ARHGAP21: variants seen among roughly 807,000 people sequenced by gnomAD.
The protein encoded by ARHGAP21 is rho GTPase-activating protein 21.
ARHGAP21 carries 38 observed loss-of-function variants against 164.6 expected under a neutral mutation model. The observed-to-expected ratio is 0.23, with a 90% confidence interval of 0.18 to 0.30. ARHGAP21 has a LOEUF of 0.30. Ranked by LOEUF, ARHGAP21 falls within the 10% of genes least tolerant of loss-of-function variation. ARHGAP21 has a pLI of 1.00. For synonymous variants in ARHGAP21, 766 were observed against 857.9 expected (o/e 0.89, Z 1.87); for missense variants, 1,822 against 2,370.7 (o/e 0.77, Z 4.81).
chr10:24,697,814 C>A (rs902926864), intron 2 of ARHGAP21, among the ~76,000 whole-genome samples: 2 of 151,748 alleles, frequency 1.3e-5, no homozygotes, highest in African/African-American at 4.8e-5. Flanking sequence ...GAGCGCAGAT[C>A]GCACCACTGC....
chr10:24,590,593 T>A, intron 24 of ARHGAP21: 3 of 1,432,764 alleles, frequency 2.1e-6, no homozygotes. Flanking sequence ...ACATGCTAGA[T>A]TAGTGCAACA....
intron 2 of ARHGAP21, among the ~76,000 whole-genome samples, chr10:24,711,855 T>C (rs1195227405): frequency 6.6e-6 from 1 of 152,080 alleles, no homozygotes; most frequent in Non-Finnish European, 1.5e-5. Flanking sequence ...TGAAAGGATA[T>C]GTCCACCCAG....
intron 4 of ARHGAP21, among the ~76,000 whole-genome samples, chr10:24,642,155 C>G (rs967908004): frequency 1.3e-5 from 2 of 152,100 alleles, no homozygotes; most frequent in Non-Finnish European, 1.5e-5. Context: ...ATGCAAATCC[C>G]AGATATCATG....
At chr10:24,657,686 T>C (rs1391741124) in intron 4 of ARHGAP21, among the ~76,000 whole-genome samples, 1 of 72,730 alleles carries the variant, frequency 1.4e-5, no homozygotes, top group Non-Finnish European at 2.7e-5. Context: ...ATGGGAGACT[T>C]TTCATTTTGT....
At chr10:24,658,816 A>AT (rs1320977751) in intron 4 of ARHGAP21, among the ~76,000 whole-genome samples, 1 of 87,984 alleles carries the variant, frequency 1.1e-5, no homozygotes, top group African/African-American at 4.7e-5. Context: ...ACCCTAAAGT[A>AT]TTAAAAAAAA....
At position 24,705,862 on chromosome 10, in the gene ARHGAP21, CAAT is replaced by C. The variant is rs150619766; in HGVS notation, c.63+15972_63+15974del. Among the ~76,000 whole-genome samples the C allele has an allele frequency of 1.4e-4, 22 of 152,084 alleles. No individual in the cohort carries two copies. In the East Asian group the frequency reaches 4.2e-3, roughly 29 times the overall value. On this transcript the variant is annotated intron_variant, in intron 2 of 25. Transcript: ENST00000396432. ...AAGAAGCCATTATGCTGAATTTGTA[CAAT>C]ATTATCTACGATTAACAACAAAGGT...
chr10:24,591,398 A>G (rs573022117), intron 23 of ARHGAP21, 68 bp from the exon 24 acceptor site: 18 of 1,403,986 alleles, frequency 1.3e-5, no homozygotes, highest in Non-Finnish European at 1.8e-5. Flanking sequence ...TTTAAACAAC[A>G]TTTAGTAAAA....
intron 4 of ARHGAP21, among the ~76,000 whole-genome samples, chr10:24,652,766 A>T (rs1179085381): frequency 6.6e-6 from 1 of 152,206 alleles, no homozygotes; most frequent in Non-Finnish European, 1.5e-5. Flanking sequence ...TGACAACAGC[A>T]AGTGTCAGTG....
intron 9 of ARHGAP21, 116 bp downstream of exon 9, chr10:24,619,357 A>T: frequency 9.5e-7 from 1 of 1,050,128 alleles, no homozygotes; most frequent in Non-Finnish European, 1.4e-6. Context: ...GATTCACTAG[A>T]AACATTTTAA....
intron 2 of ARHGAP21, among the ~76,000 whole-genome samples, chr10:24,689,931 T>TGTGTATATATAC (rs1842598183): frequency 7.1e-6 from 1 of 140,384 alleles, no homozygotes; most frequent in Non-Finnish European, 1.5e-5. Flanking sequence ...TATGTATGTA[T>TGTGTATATATAC]ATGTATATAT....
intron 4 of ARHGAP21, among the ~76,000 whole-genome samples, chr10:24,649,983 T>C (rs1837993343): frequency 6.6e-6 from 1 of 151,912 alleles, no homozygotes; most frequent in African/African-American, 2.4e-5. Context: ...AAAAGAAATT[T>C]ACTGAACATA....
At chr10:24,705,773 G>T (rs746541511) in intron 2 of ARHGAP21, among the ~76,000 whole-genome samples, 1 of 152,192 alleles carries the variant, frequency 6.6e-6, no homozygotes, top group Non-Finnish European at 1.5e-5. Flanking sequence ...ATAATTCATA[G>T]TTTTTAAAGA....
intron 25 of ARHGAP21, among the ~76,000 whole-genome samples, chr10:24,588,012 TAAAATCTCATCTGCTGGCA>T (rs1303152547): frequency 6.6e-6 from 1 of 152,176 alleles, no homozygotes; most frequent in Admixed American, 6.5e-5. Flanking sequence ...CTCTCTGGTT[TAAAATCTCATCTGCTGGCA>T]ACAGAGTTAA....
intron 7 of ARHGAP21, among the ~76,000 whole-genome samples, chr10:24,626,428 C>G (rs1835146548): frequency 6.6e-6 from 1 of 152,204 alleles, no homozygotes; most frequent in East Asian, 1.9e-4. Flanking sequence ...AATTAGTGTC[C>G]TTATAAAAGA....
At chr10:24,651,372 G>T (rs1040873521) in intron 4 of ARHGAP21, among the ~76,000 whole-genome samples, 1 of 152,092 alleles carries the variant, frequency 6.6e-6, no homozygotes, top group Non-Finnish European at 1.5e-5. Context: ...CAGGGGTCAG[G>T]CCTGTCTCAT....
intron 4 of ARHGAP21, among the ~76,000 whole-genome samples, chr10:24,637,264 T>G (rs1836478667): frequency 6.6e-6 from 1 of 152,258 alleles, no homozygotes; most frequent in South Asian, 2.1e-4. Context: ...AAAAATACTT[T>G]CTTATCAATT....
chr10:24,641,681 C>T (rs1244920612), intron 4 of ARHGAP21, among the ~76,000 whole-genome samples: 4 of 152,190 alleles, frequency 2.6e-5, no homozygotes, highest in African/African-American at 4.8e-5. Flanking sequence ...TTTCTTTCAA[C>T]CCACACCTCT....
intron 24 of ARHGAP21, chr10:24,590,260 C>A: frequency 6.7e-7 from 1 of 1,491,250 alleles, no homozygotes; most frequent in South Asian, 1.3e-5. Context: ...AGCAGAAAAA[C>A]TTTTAAGAAA....
At chr10:24,628,951 A>AAT (rs1565054254) in intron 7 of ARHGAP21, 2 of 44,328 alleles carry the variant, frequency 4.5e-5, no homozygotes, top group African/African-American at 2.1e-4. Context: ...ACACACACAC[A>AAT]CTATATATAT....
Sources: allele counts gnomAD v4.1 joint callset (sites outside exome capture counted in the v4.1 genomes callset), GRCh38; gene constraint gnomAD v4.1.1; transcripts MANE v1.5; gene names NCBI Gene and HGNC (gene_info 2026-07-23, HGNC 2026-07-21).